The following APC variants were observed in gnomAD, a reference collection of about 807,000 sequenced individuals.
APC encodes the protein APC regulator of Wnt signaling pathway, also known as adenomatous polyposis coli protein.
In APC, 72 loss-of-function variants were observed where a neutral mutation model predicts 247.0. The observed-to-expected ratio is 0.29, with a 90% CI of 0.24 to 0.35. APC has a LOEUF of 0.35. APC is among the 10% of genes least tolerant of loss of function. The pLI is 1.00. For synonymous variants in APC, 1,254 were observed against 1,162.5 expected (o/e 1.08, Z -1.60); for missense variants, 3,400 against 3,360.7 (o/e 1.01, Z -0.29).
rs547916787 is a variant in APC, at chr5:112,759,837, A to ATT, written c.135+4820_135+4821dup. Among the ~76,000 whole-genome samples, 1,254 of 151,340 alleles carry ATT rather than the reference A, an allele frequency of 8.3e-3. 20 individuals are homozygous for ATT. The highest frequency in any genetic ancestry group is 0.029 in the African/African-American group (1,196 of 41,292). ...CACTTCTCAAAGAACTTTTTGAAAC[A>ATT]TTTTTTTTTGGAACTGCTTTGCAAT... is the stretch of plus-strand genomic sequence containing the variant. On this transcript the variant is annotated intron_variant, in intron 2 of 15. Coordinates refer to ENST00000257430, the MANE Select transcript of APC (RefSeq NM_000038.6).
At chr5:112,765,736 T>C (rs1351345824) in intron 2 of APC, among the ~76,000 whole-genome samples, 3 of 152,046 alleles carry the variant, frequency 2.0e-5, no homozygotes, top group Non-Finnish European at 2.9e-5. Context: ...CCAACATTCT[T>C]TGAGAAAAAA....
rs78849835 is a variant in APC at position 112,728,704 on chromosome 5, T to G, written c.165+20822T>G. Among the ~76,000 whole-genome samples the G allele has an allele frequency of 9.3e-5, 13 of 139,464 alleles. No homozygotes were observed. The highest frequency in any genetic ancestry group is 1.8e-4 in the Non-Finnish European group (11 of 60,346). 91.5% of individuals were successfully genotyped at this position (139,464 alleles called of 152,430 possible). A position where few individuals can be genotyped will look rare whatever the true frequency, so the allele number is the denominator to read the frequency against. ...CTTTTTTATAAAGAGTATGACTTAG[T>G]TTTTTTTTTCCTGCAATCATATTTT... On this transcript the variant is annotated intron_variant, in intron 1 of 13. Transcript: ENST00000507379.
chr5:112,838,247 G>A lies in APC; in HGVS notation c.2653G>A (p.Ala885Thr), dbSNP rs1344158460. 1 of 1,614,170 alleles carries A rather than the reference G, an allele frequency of 6.2e-7. No individual in the cohort carries two copies. Among genetic ancestry groups the A allele is most frequent in the Non-Finnish European group, 8.5e-7 (1 of 1,180,038 alleles). ...KRGLQISTTAAQIAKVMEEVS... is the reference protein window; with the variant it reads ...KRGLQISTTATQIAKVMEEVS... ...AGGTTTGCAGATCTCCACCACTGCAGCCCAGATTGCCAAAGTCATGGAAGA... is the reference window on the plus strand; with the variant it reads ...AGGTTTGCAGATCTCCACCACTGCAACCCAGATTGCCAAAGTCATGGAAGA... The change falls in exon 16 of 16, where the codon GCC (alanine) becomes ACC (threonine). Residue 885 changes from alanine to threonine, a missense_variant. Around this residue, in one of 9 missense-constraint regions of APC, gnomAD observed 715 missense variants for 656.6 expected, o/e 1.09. Coordinates refer to ENST00000257430, the MANE Select transcript of APC (RefSeq NM_000038.6).
upstream of APC, among the ~76,000 whole-genome samples, chr5:112,734,641 C>T (rs1030374915): frequency 6.6e-6 from 1 of 152,030 alleles, no homozygotes; most frequent in African/African-American, 2.4e-5. Context: ...TCAATTAAGG[C>T]GACTGAAAGG....
intron 5 of APC, chr5:112,778,081 C>A: frequency 4.8e-6 from 1 of 208,456 alleles, no homozygotes; most frequent in South Asian, 9.4e-5. Flanking sequence ...ACACGTCAGT[C>A]TAGTACATTT....
rs75491644 is a variant in APC at position 112,823,848 on chromosome 5, A to C, written c.1408+1857A>C. Among the ~76,000 whole-genome samples, 2,775 of 152,280 alleles carry C rather than the reference A, an allele frequency of 0.018. 33 individuals carry two copies. Among genetic ancestry groups the C allele is most frequent in the East Asian group, 0.08 (412 of 5,176 alleles). ...TAATGATCACCCAGAGGCACTCGTC[A>C]AACTGGATTTTCTGGCACTGTAGCA... On this transcript the variant is annotated intron_variant, in intron 11 of 15. Coordinates refer to ENST00000257430, the MANE Select transcript of APC (RefSeq NM_000038.6).
intron 1 of APC, among the ~76,000 whole-genome samples, chr5:112,716,774 CAA>C (rs1427910455): frequency 6.6e-6 from 1 of 152,174 alleles, no homozygotes; most frequent in East Asian, 1.9e-4. Context: ...TCAACATTAT[CAA>C]GTTTCCTCTT....
intron 5 of APC, among the ~76,000 whole-genome samples, chr5:112,776,772 C>T (rs1186410296): frequency 1.3e-5 from 2 of 151,872 alleles, no homozygotes; most frequent in African/African-American, 2.4e-5. Context: ...ACCTGGGAGG[C>T]AGAGGTTGCA....
intron 8 of APC, among the ~76,000 whole-genome samples, chr5:112,815,271 T>C (rs188627032): frequency 1.1e-3 from 165 of 152,354 alleles, no homozygotes; most frequent in Non-Finnish European, 1.9e-3. Context: ...CATTCTGCAG[T>C]TTAATGCTCA....
rs756859993 is a variant in APC at position 112,837,578 on chromosome 5, C to A, written c.1984C>A (p.Leu662Ile). Reference protein sequence around the residue: ...HRQILRENNCLQTLLQHLKSH... With the variant: ...HRQILRENNCIQTLLQHLKSH... Reference sequence around the variant, plus strand: ...GCAAATCCTAAGAGAGAACAACTGTCTACAAACTTTATTACAACACTTAAA... The same window carrying A: ...GCAAATCCTAAGAGAGAACAACTGTATACAAACTTTATTACAACACTTAAA... Residue 662 changes from leucine to isoleucine, a missense_variant, in exon 16 of 16, where the codon CTA (leucine) becomes ATA (isoleucine). Around this residue, in one of 9 missense-constraint regions of APC, gnomAD observed 184 missense variants for 248.0 expected, o/e 0.74. Transcript: ENST00000257430. 30 of 1,612,798 alleles carry A rather than the reference C, an allele frequency of 1.9e-5. No individual in the cohort carries two copies. The East Asian group carries it at 6.0e-4, about 32-fold the overall frequency.
chr5:112,754,060 C>A (rs1043076626), intron 1 of APC, among the ~76,000 whole-genome samples: 2 of 152,128 alleles, frequency 1.3e-5, no homozygotes, highest in Non-Finnish European at 2.9e-5. Flanking sequence ...CCTCTTCTTT[C>A]CCAGTCATAA....
In APC at chr5:112,841,008, T is replaced by C; in HGVS notation, c.5414T>C (p.Phe1805Ser). The C allele has an allele frequency of 6.2e-7, 1 of 1,611,640 alleles. No homozygotes were observed. Among genetic ancestry groups the C allele is most frequent in the Non-Finnish European group, 8.5e-7 (1 of 1,177,946 alleles). The change falls in exon 16 of 16, where the codon TTC (phenylalanine) becomes TCC (serine). Residue 1805 changes from phenylalanine to serine, a missense_variant. Physicochemically the swap from Phe to Ser is radical, Grantham distance 155. This residue lies in a region of APC where 1,788 missense variants were observed against 1,649.5 expected (regional missense o/e 1.08). Transcript: ENST00000257430. This position sits in a 1 kb window ranked among gnomAD's most constrained non-coding sequence, Gnocchi z 4.6. ...AATAATTTAAATGCTGAGAGAGTTT[T>C]CTCAGACAACAAAGATTCAAAGAAA... ...SKNNLNAERV[F>S]SDNKDSKKQN...
chr5:112,728,258 G>A (rs1751906868), intron 1 of APC, among the ~76,000 whole-genome samples: 1 of 151,942 alleles, frequency 6.6e-6, no homozygotes, highest in Non-Finnish European at 1.5e-5. Context: ...CTCCTGAGTA[G>A]CTGGGATTAC....
Position 112,839,630 on chromosome 5 carries a change from T to C in APC, c.4036T>C (p.Ser1346Pro), listed in dbSNP as rs2149904685. 6.2e-7 allele frequency: 1 copy of C among 1,614,138 alleles called. No individual in the cohort carries two copies. The highest frequency in any genetic ancestry group is 2.2e-5 in the East Asian group (1 of 44,874). The part of the protein sequence containing the change: ...RLQGSSLSSE[S>P]ARHKAVEFSS... ...GCAGGGTTCTAGTTTATCTTCAGAA[T>C]CAGCCAGGCACAAAGCTGTTGAATT... Residue 1346 changes from serine to proline, a missense_variant, in exon 16 of 16, where the codon TCA becomes CCA. This residue lies in a region of APC where 715 missense variants were observed against 656.6 expected (regional missense o/e 1.09). Coordinates refer to ENST00000257430, the MANE Select transcript of APC (RefSeq NM_000038.6). The surrounding 1 kb of genome is among the most constrained non-coding windows in gnomAD (Gnocchi z 5.0).
chr5:112,783,439 T>C (rs1758570972), intron 6 of APC, among the ~76,000 whole-genome samples: 1 of 151,950 alleles, frequency 6.6e-6, no homozygotes, highest in Non-Finnish European at 1.5e-5. Flanking sequence ...GAAATGTTGG[T>C]AGAATATATA....
At position 112,839,054 on chromosome 5, in the gene APC, G is replaced by A. The variant is rs2149892395; in HGVS notation, c.3460G>A (p.Glu1154Lys). The change falls in exon 16 of 16, where the codon GAA becomes AAA. Residue 1154 changes from glutamate (E) to lysine (K), a missense_variant. By Grantham distance (56) the Glu-to-Lys change is moderately conservative. Coordinates refer to ENST00000257430, the MANE Select transcript of APC (RefSeq NM_000038.6). The surrounding 1 kb of genome is among the most constrained non-coding windows in gnomAD (Gnocchi z 5.0). ...ACGTTACTCTGAAGAAGAACAGCAT[G>A]AAGAAGAAGAGAGACCAACAAATTA... ...SERYSEEEQH[E>K]EEERPTNYSI... The A allele has an allele frequency of 6.2e-7, 1 of 1,611,436 alleles. No homozygotes were observed. The highest frequency in any genetic ancestry group is 8.5e-7 in the Non-Finnish European group (1 of 1,179,730).
At chr5:112,827,736 G>A (rs2149812336) in intron 12 of APC, among the ~76,000 whole-genome samples, 193 bp from the exon 13 acceptor site, 1 of 152,308 alleles carries the variant, frequency 6.6e-6, no homozygotes, top group East Asian at 1.9e-4. Flanking sequence ...GACAAAGGAA[G>A]AACAGATAGC....
At position 112,840,667 on chromosome 5, in the gene APC, T is replaced by C. The variant is rs2149931310; in HGVS notation, c.5073T>C (p.Pro1691=). The C allele has an allele frequency of 6.2e-7, 1 of 1,613,986 alleles. No homozygotes were observed. Among genetic ancestry groups the C allele is most frequent in the South Asian group, 1.1e-5 (1 of 91,060 alleles). ...SGEFEKRDTI[P]TEGRSTDEAQ... ...AATTTGAAAAACGAGATACCATTCC[T>C]ACAGAAGGCAGAAGTACAGATGAGG... Residue 1691 remains proline, a synonymous_variant, in exon 16 of 16, where the codon CCT becomes CCC. Transcript: ENST00000257430. The surrounding 1 kb of genome is among the most constrained non-coding windows in gnomAD (Gnocchi z 4.1).
intron 5 of APC, among the ~76,000 whole-genome samples, chr5:112,777,208 TG>T (rs1389269676): frequency 3.3e-5 from 5 of 152,198 alleles, no homozygotes; most frequent in African/African-American, 1.2e-4. Flanking sequence ...CTGTGATTTT[TG>T]TTTTGGTAAA....
Sources: gnomAD v4.1 joint callset for allele counts (sites outside exome capture counted in the v4.1 genomes callset) on GRCh38, gnomAD v4.1.1 for gene constraint, gnomAD v4.1.1 regional missense constraint, Gnocchi (gnomAD v3.1) non-coding constraint, MANE v1.5 for transcripts, NCBI Gene and HGNC (gene_info 2026-07-23, HGNC 2026-07-21) for gene names.